Variants in LAMP5 observed in about 807,000 individuals in gnomAD.
The protein encoded by LAMP5 is lysosome-associated membrane glycoprotein 5.
LAMP5 carries 36 observed loss-of-function variants against 30.2 expected under a neutral mutation model. That is an observed-to-expected ratio of 1.19 (90% CI 0.91 to 1.57). LAMP5 has a LOEUF of 1.57. LAMP5 is among the 40% of genes most tolerant of loss of function. LAMP5 has a pLI of 0.00. For synonymous variants in LAMP5, 149 were observed against 134.6 expected (o/e 1.11, Z -0.74); for missense variants, 377 against 354.9 (o/e 1.06, Z -0.50).
At chr20:9,515,817 C>T (rs2045032893) in intron 2 of LAMP5, among the ~76,000 whole-genome samples, 183 bp from the exon 3 acceptor site, 1 of 152,226 alleles carries the variant, frequency 6.6e-6, no homozygotes, top group Non-Finnish European at 1.5e-5. Context: ...AGTAAACCCC[C>T]TTCTCTCCGC....
Position 9,527,229 on chromosome 20 carries a change from A to C in LAMP5, c.665-2413A>C, listed in dbSNP as rs185075659. Reference sequence around the variant, plus strand: ...AAGTGCTGCCCCAACTATAGTGTTAAGTTGTTTGAGTTCAGATCAGGCTTC... The same window carrying C: ...AAGTGCTGCCCCAACTATAGTGTTACGTTGTTTGAGTTCAGATCAGGCTTC... On this transcript the variant is annotated intron_variant, in intron 5 of 5. Transcript: ENST00000246070. 7.9e-4 allele frequency among the ~76,000 whole-genome samples: 120 copies of C among 152,156 alleles called. 1 individual carries two copies. Among genetic ancestry groups the C allele is most frequent in the Admixed American group, 7.4e-3 (113 of 15,280 alleles).
rs748882119 is a variant in LAMP5 at position 9,516,142 on chromosome 20, G to A, written c.369+11G>A. 5 of 1,573,248 alleles carry A rather than the reference G, an allele frequency of 3.2e-6. No homozygotes were observed. The highest frequency in any genetic ancestry group is 2.6e-6 in the Non-Finnish European group (3 of 1,160,972). On this transcript the variant is annotated intron_variant, in intron 3 of 5. Coordinates refer to ENST00000246070, the MANE Select transcript of LAMP5 (RefSeq NM_012261.4). Reference sequence around the variant, plus strand: ...ATGCTCTTTGTAAAGGTAACTCCGAGCCCAGCGGGCAGAGGGGCCGCAGGC... The same window carrying A: ...ATGCTCTTTGTAAAGGTAACTCCGAACCCAGCGGGCAGAGGGGCCGCAGGC...
Position 9,514,740 on chromosome 20 carries a change from C to A in LAMP5, c.-113C>A. The A allele has an allele frequency of 1.1e-6, 1 of 910,794 alleles. No individual in the cohort carries two copies. 56.4% of individuals were successfully genotyped at this position (910,794 alleles called of 1,614,324 possible). ...AATACGCGCTCCCTCCCTCCCCCTTCTCTGTCCCCCGCCTCTCGCTCACCC... is the reference window on the plus strand; with the variant it reads ...AATACGCGCTCCCTCCCTCCCCCTTATCTGTCCCCCGCCTCTCGCTCACCC... On this transcript the variant is annotated 5_prime_UTR_variant, in exon 1 of 6. Transcript: ENST00000246070.
At position 9,518,192 on chromosome 20, in the gene LAMP5, C is replaced by A. The variant is rs753204090; in HGVS notation, c.628C>A (p.Pro210Thr). 3.7e-6 allele frequency: 6 copies of A among 1,614,040 alleles called. No individual in the cohort carries two copies. The highest frequency in any genetic ancestry group is 2.2e-5 in the East Asian group (1 of 44,892). The change falls in exon 5 of 6, where the codon CCT becomes ACT. Residue 210 changes from proline to threonine, a missense_variant. By Grantham distance (38) the Pro-to-Thr change is conservative (BLOSUM62 -1). Coordinates refer to ENST00000246070, the MANE Select transcript of LAMP5 (RefSeq NM_012261.4). ...GATCCTGTCTGCGGTCCACATCCAACCTTTTGACATTATCTCAGATTTTGT... is the reference window on the plus strand; with the variant it reads ...GATCCTGTCTGCGGTCCACATCCAAACTTTTGACATTATCTCAGATTTTGT... ...TMILSAVHIQPFDIISDFVFS... is the reference protein window; with the variant it reads ...TMILSAVHIQTFDIISDFVFS...
At chr20:9,527,855 C>T (rs1204329311) in intron 5 of LAMP5, among the ~76,000 whole-genome samples, 1 of 152,048 alleles carries the variant, frequency 6.6e-6, no homozygotes, top group African/African-American at 2.4e-5. Context: ...TTTTAGGAGG[C>T]TGAAAAATAA....
chr20:9,530,124 T>C lies in LAMP5; in HGVS notation c.*304T>C, dbSNP rs1195807134. 3.9e-6 allele frequency: 1 copy of C among 257,104 alleles called. No homozygotes were observed. Among genetic ancestry groups the C allele is most frequent in the Non-Finnish European group, 7.6e-6 (1 of 132,012 alleles). 15.9% of individuals were successfully genotyped at this position (257,104 alleles called of 1,614,324 possible). A position where few individuals can be genotyped will look rare whatever the true frequency, so the allele number is the denominator to read the frequency against. ...CTCTCCAAAGAGCAATAAATGCCAC[T>C]TGGAGCTGTATCTGGCCCCAAAGTT... On this transcript the variant is annotated 3_prime_UTR_variant, in exon 6 of 6. Coordinates refer to ENST00000246070, the MANE Select transcript of LAMP5 (RefSeq NM_012261.4).
Position 9,529,960 on chromosome 20 carries a change from C to A in LAMP5, c.*140C>A. The A allele has an allele frequency of 2.4e-6, 2 of 829,908 alleles. No homozygotes were observed. Among genetic ancestry groups the A allele is most frequent in the Non-Finnish European group, 3.7e-6 (2 of 544,210 alleles). The allele number at this position is 829,908 out of a possible 1,614,324, so 51.4% of individuals were successfully genotyped here. On this transcript the variant is annotated 3_prime_UTR_variant, in exon 6 of 6. Coordinates refer to ENST00000246070, the MANE Select transcript of LAMP5 (RefSeq NM_012261.4). ...GCCTGGGTATCTGAGGCTTGCTTGG[C>A]TTGTGTCCATGCTTAAACCCACGGA...
chr20:9,520,403 G>A (rs1490080107), intron 5 of LAMP5, among the ~76,000 whole-genome samples: 2 of 152,116 alleles, frequency 1.3e-5, no homozygotes, highest in Non-Finnish European at 2.9e-5. Flanking sequence ...TCAATTTGGT[G>A]GAATTTTAAA....
At chr20:9,528,134 G>A (rs1363168237) in intron 5 of LAMP5, among the ~76,000 whole-genome samples, 1 of 152,200 alleles carries the variant, frequency 6.6e-6, no homozygotes, top group Non-Finnish European at 1.5e-5. Context: ...TGAAAAGAGT[G>A]AGATGGTGTC....
chr20:9,516,325 TCCTCGGAGAAA>T lies in LAMP5; in HGVS notation c.440_450del (p.Ser147TyrfsTer31). 6.2e-7 allele frequency: 1 copy of T among 1,614,102 alleles called. No individual in the cohort carries two copies. The highest frequency in any genetic ancestry group is 8.5e-7 in the Non-Finnish European group (1 of 1,180,004). On this transcript the variant is annotated frameshift_variant, in exon 4 of 6. Transcript: ENST00000246070. LOFTEE classifies it high-confidence loss of function. ...GAGCAAAGTGCAGTTTGTCTACGAC[TCCTCGGAGAAA>T]ACCCACTTCAAAGACGCAGTCAGTG...
At position 9,514,638 on chromosome 20, in the gene LAMP5, T is replaced by A; in HGVS notation, c.-215T>A. On this transcript the variant is annotated 5_prime_UTR_variant, in exon 1 of 6. Coordinates refer to ENST00000246070, the MANE Select transcript of LAMP5 (RefSeq NM_012261.4). ...CGTGGACCGCCGTGCGGTCCTTTCC[T>A]CCGCAGTGAGCCGATTTGCTCTGCC... is the stretch of plus-strand genomic sequence containing the variant. The A allele has an allele frequency of 1.7e-5, 8 of 465,016 alleles. No individual in the cohort carries two copies. Among genetic ancestry groups the A allele is most frequent in the Non-Finnish European group, 3.2e-5 (8 of 252,608 alleles). 28.8% of individuals were successfully genotyped at this position (465,016 alleles called of 1,614,324 possible).
chr20:9,519,027 C>T (rs1367498845), intron 5 of LAMP5, among the ~76,000 whole-genome samples: 1 of 152,146 alleles, frequency 6.6e-6, no homozygotes, highest in East Asian at 1.9e-4. Context: ...AGGTTCAGGT[C>T]AAACACATTC....
At chr20:9,524,070 T>A (rs6056666) in intron 5 of LAMP5, among the ~76,000 whole-genome samples, 70,179 of 152,076 alleles carry the variant, frequency 0.46, 19,880 homozygotes, top group African/African-American at 0.81. Flanking sequence ...TTCATCTCAC[T>A]TTAGTTTGTG....
At position 9,515,643 on chromosome 20, in the gene LAMP5, C is replaced by CT. The variant is rs770490803; in HGVS notation, c.237+18_237+19insT. 4 of 1,612,076 alleles carry CT rather than the reference C, an allele frequency of 2.5e-6. No individual in the cohort carries two copies. The highest frequency in any genetic ancestry group is 3.4e-6 in the Non-Finnish European group (4 of 1,178,802). On this transcript the variant is annotated intron_variant, in intron 2 of 5. Coordinates refer to ENST00000246070, the MANE Select transcript of LAMP5 (RefSeq NM_012261.4). The stretch of plus-strand genomic sequence containing the variant: ...ACGTAGATGTAAGGAATCTTTCCCC[C>CT]CCCTCAGCTTGCTCCTAGGGCTCCA...
intron 4 of LAMP5, among the ~76,000 whole-genome samples, chr20:9,517,278 C>T (rs1332652624): frequency 6.6e-6 from 1 of 152,100 alleles, no homozygotes; most frequent in Admixed American, 6.5e-5. Context: ...GGGAGGCAGA[C>T]CTTCAGAGGG....
Position 9,516,329 on chromosome 20 carries a change from C to G in LAMP5, c.443C>G (p.Ser148Trp), listed in dbSNP as rs1434660029. 1 of 1,613,970 alleles carries G rather than the reference C, an allele frequency of 6.2e-7. No homozygotes were observed. Among genetic ancestry groups the G allele is most frequent in the Non-Finnish European group, 8.5e-7 (1 of 1,180,022 alleles). The change falls in exon 4 of 6, where the codon TCG becomes TGG. Residue 148 changes from serine (S) to tryptophan (W), a missense_variant. Coordinates refer to ENST00000246070, the MANE Select transcript of LAMP5 (RefSeq NM_012261.4). ...LSKVQFVYDSSEKTHFKDAVS... is the reference protein window; with the variant it reads ...LSKVQFVYDSWEKTHFKDAVS... ...AAAGTGCAGTTTGTCTACGACTCCT[C>G]GGAGAAAACCCACTTCAAAGACGCA... is the stretch of plus-strand genomic sequence containing the variant.
chr20:9,524,274 G>T (rs751402348), intron 5 of LAMP5, among the ~76,000 whole-genome samples: 6 of 151,954 alleles, frequency 3.9e-5, no homozygotes, highest in Non-Finnish European at 7.4e-5. Flanking sequence ...TTCCGAGAAG[G>T]GGTCCTTAGT....
chr20:9,528,572 C>T (rs751210915), intron 5 of LAMP5, among the ~76,000 whole-genome samples: 18 of 152,038 alleles, frequency 1.2e-4, no homozygotes, highest in Non-Finnish European at 2.4e-4. Context: ...AGTGTATGCG[C>T]ATAACAAAAT....
At position 9,527,806 on chromosome 20, in the gene LAMP5, TAAA is replaced by T. The variant is rs559666435; in HGVS notation, c.665-1831_665-1829del. ...GTTTTTTGTTGATGGTGGTTCTATG[TAAA>T]AAAATGGAGACTCAGCACTATGAAG... On this transcript the variant is annotated intron_variant, in intron 5 of 5. Coordinates refer to ENST00000246070, the MANE Select transcript of LAMP5 (RefSeq NM_012261.4). Among the ~76,000 whole-genome samples, 514 of 152,182 alleles carry T rather than the reference TAAA, an allele frequency of 3.4e-3. 1 individual carries two copies. Among genetic ancestry groups the T allele is most frequent in the African/African-American group, 0.012 (493 of 41,536 alleles).
Sources: allele counts gnomAD v4.1 joint callset (sites outside exome capture counted in the v4.1 genomes callset), GRCh38; gene constraint gnomAD v4.1.1; transcripts MANE v1.5; gene names NCBI Gene and HGNC (gene_info 2026-07-23, HGNC 2026-07-21).